Variants in XRCC4 observed in about 807,000 individuals in gnomAD.
XRCC4 encodes X-ray repair cross complementing 4.
Under a neutral mutation model 39.1 loss-of-function variants are expected in XRCC4, and 28 were observed. The ratio of observed to expected loss-of-function variants is 0.72; its 90% CI spans 0.53 to 0.98. XRCC4 has a LOEUF of 0.98. XRCC4 is among the 50% of genes least tolerant of loss of function. The pLI is 0.00. For synonymous variants in XRCC4, 123 were observed against 126.4 expected, an observed-to-expected ratio of 0.97 and a Z score of 0.18; for missense variants, 350 against 376.4, an observed-to-expected ratio of 0.93 and a Z score of 0.58.
At chr5:83,245,796 A>G (rs1042402407) in intron 6 of XRCC4, among the ~76,000 whole-genome samples, 4 of 151,858 alleles carry the variant, frequency 2.6e-5, no homozygotes, top group African/African-American at 9.7e-5. Context: ...GTAAAAATCT[A>G]TTTCTCGATC....
intron 3 of XRCC4, among the ~76,000 whole-genome samples, chr5:83,147,508 C>T (rs549173172): frequency 6.6e-6 from 1 of 152,070 alleles, no homozygotes; most frequent in East Asian, 1.9e-4. Flanking sequence ...AAAAGTTGAA[C>T]TCATGGAAGC....
chr5:83,285,106 T>C (rs1310716952), intron 7 of XRCC4, among the ~76,000 whole-genome samples: 7 of 152,168 alleles, frequency 4.6e-5, no homozygotes, highest in African/African-American at 1.7e-4. Context: ...TTTTAACCTC[T>C]ATAAATGAAG....
intron 6 of XRCC4, among the ~76,000 whole-genome samples, chr5:83,247,346 C>T (rs1753145872): frequency 6.6e-6 from 1 of 152,104 alleles, no homozygotes; most frequent in South Asian, 2.1e-4. Flanking sequence ...AACTGGGCCG[C>T]ACAGCAGTCA....
intron 3 of XRCC4, among the ~76,000 whole-genome samples, chr5:83,153,774 T>C (rs1012874348): frequency 1.3e-5 from 2 of 152,250 alleles, no homozygotes; most frequent in African/African-American, 4.8e-5. Context: ...TAGTAACAGA[T>C]ATAATCATAT....
At chr5:83,335,001 TAAGGAGTTGAGAGAAGACAGAA>T in intron 7 of XRCC4, among the ~76,000 whole-genome samples, 1 of 149,506 alleles carries the variant, frequency 6.7e-6, no homozygotes, top group South Asian at 2.1e-4. Context: ...CAAAATAAAT[TAAGGAGTTGAGAGAAGACAGAA>T]AATTTAAATT....
At chr5:83,341,287 G>T (rs1429450616) in intron 7 of XRCC4, among the ~76,000 whole-genome samples, 1 of 151,592 alleles carries the variant, frequency 6.6e-6, no homozygotes, top group Non-Finnish European at 1.5e-5. Flanking sequence ...ATTTACCTGT[G>T]TATCCTCCCA....
chr5:83,295,472 A>G (rs1439468215), intron 7 of XRCC4, among the ~76,000 whole-genome samples: 1 of 152,114 alleles, frequency 6.6e-6, no homozygotes, highest in Admixed American at 6.6e-5. Flanking sequence ...ACTCCATGAT[A>G]TGTGCTATGA....
chr5:83,091,939 C>T (rs1288742643), intron 1 of XRCC4, among the ~76,000 whole-genome samples: 1 of 152,178 alleles, frequency 6.6e-6, no homozygotes, highest in African/African-American at 2.4e-5. Context: ...ATCCTCCATA[C>T]TGTTTCCCGT....
the XRCC4 span, among the ~76,000 whole-genome samples, chr5:83,365,980 G>A: frequency 3.9e-5 from 6 of 152,208 alleles, no homozygotes; most frequent in South Asian, 1.2e-3. Flanking sequence ...TCTTCTTACA[G>A]GAATCAATTT....
intron 6 of XRCC4, among the ~76,000 whole-genome samples, chr5:83,232,831 T>TA (rs1003717349): frequency 6.6e-6 from 1 of 152,182 alleles, no homozygotes; most frequent in African/African-American, 2.4e-5. Context: ...TTGCTTTATA[T>TA]AATTTATCTC....
chr5:83,350,736 G>A (rs917531339), intron 7 of XRCC4, among the ~76,000 whole-genome samples: 2 of 151,992 alleles, frequency 1.3e-5, no homozygotes, highest in Admixed American at 6.6e-5. Context: ...TTTGTTGATA[G>A]TTTCTTTTGC....
chr5:83,241,952 G>C (rs933714737), intron 6 of XRCC4, among the ~76,000 whole-genome samples: 12 of 135,292 alleles, frequency 8.9e-5, no homozygotes, highest in Admixed American at 3.6e-4. Context: ...GGGAGGAGGA[G>C]GAAGAGGAGG....
chr5:83,334,541 G>T (rs921626498), intron 7 of XRCC4, among the ~76,000 whole-genome samples: 7 of 151,952 alleles, frequency 4.6e-5, no homozygotes, highest in Non-Finnish European at 7.4e-5. Flanking sequence ...AAACTATTAT[G>T]TAGACCTGTA....
chr5:83,275,421 A>C (rs1754293336), intron 7 of XRCC4, among the ~76,000 whole-genome samples: 1 of 150,516 alleles, frequency 6.6e-6, no homozygotes, highest in South Asian at 2.1e-4. Flanking sequence ...CAGCCTCCCA[A>C]GTAGCTGGGA....
intron 7 of XRCC4, among the ~76,000 whole-genome samples, chr5:83,308,331 A>G (rs923184824): frequency 1.3e-5 from 2 of 152,212 alleles, no homozygotes; most frequent in African/African-American, 4.8e-5. Context: ...AAACAAGCAC[A>G]TGGATGGAGA....
At chr5:83,210,292 T>C (rs965859940) in intron 6 of XRCC4, among the ~76,000 whole-genome samples, 1 of 152,166 alleles carries the variant, frequency 6.6e-6, no homozygotes, top group Non-Finnish European at 1.5e-5. Context: ...TTATAAGTTT[T>C]AAATTAAAAG....
chr5:83,207,004 A>G (rs1167269463), intron 6 of XRCC4, among the ~76,000 whole-genome samples: 2 of 152,212 alleles, frequency 1.3e-5, no homozygotes, highest in Admixed American at 6.5e-5. Context: ...ACACACAATC[A>G]TACTTTTGCA....
intron 7 of XRCC4, among the ~76,000 whole-genome samples, chr5:83,325,077 T>C (rs1313147077): frequency 6.6e-6 from 1 of 152,044 alleles, no homozygotes; most frequent in Non-Finnish European, 1.5e-5. Flanking sequence ...TTTTATTCCC[T>C]AGTATGAGCT....
At chr5:83,235,492 G>A (rs1388114236) in intron 6 of XRCC4, among the ~76,000 whole-genome samples, 2 of 151,640 alleles carry the variant, frequency 1.3e-5, no homozygotes, top group East Asian at 3.9e-4. Flanking sequence ...TGCCAAAAAA[G>A]CATTTAATAA....
Sources: gnomAD v4.1 joint callset for allele counts (sites outside exome capture counted in the v4.1 genomes callset) on GRCh38, gnomAD v4.1.1 for gene constraint, MANE v1.5 for transcripts, NCBI Gene and HGNC (gene_info 2026-07-23, HGNC 2026-07-21) for gene names.